The following ZNF831 variants were observed in gnomAD, a reference collection of about 807,000 sequenced individuals.
ZNF831 encodes chromosome 20 open reading frame 174.
ZNF831 carries 59 observed loss-of-function variants against 95.8 expected under a neutral mutation model. The ratio of observed to expected loss-of-function variants is 0.62; its 90% CI spans 0.50 to 0.77. The LOEUF (loss-of-function observed/expected upper bound fraction) is 0.77, where lower values mean the gene tolerates loss of function less well. ZNF831 is among the 30% of genes least tolerant of loss of function. The pLI, the probability that ZNF831 is intolerant of heterozygous loss-of-function variation, is 0.00. For synonymous variants in ZNF831, 961 were observed against 925.5 expected (o/e 1.04, Z -0.70); for missense variants, 2,205 against 2,164.0 (o/e 1.02, Z -0.38).
rs373045621 is a variant in ZNF831 at position 59,193,201 on chromosome 20, G to C, written c.2182G>C (p.Ala728Pro). ...GDSDRPRVEE[A>P]VSSPALGGRD... Reference sequence around the variant, plus strand: ...CAGTGACCGACCCAGGGTGGAAGAGGCTGTGTCATCCCCTGCACTGGGTGG... The same window carrying C: ...CAGTGACCGACCCAGGGTGGAAGAGCCTGTGTCATCCCCTGCACTGGGTGG... The change falls in exon 2 of 6, where the codon GCT becomes CCT. Residue 728 changes from alanine to proline, a missense_variant. Transcript: ENST00000371030. The C allele has an allele frequency of 6.3e-7, 1 of 1,583,064 alleles. No homozygotes were observed. The highest frequency in any genetic ancestry group is 1.4e-5 in the African/African-American group (1 of 74,062).
At chr20:59,203,764 T>G (rs939109454) in intron 3 of ZNF831, among the ~76,000 whole-genome samples, 1 of 152,172 alleles carries the variant, frequency 6.6e-6, no homozygotes, top group Non-Finnish European at 1.5e-5. Context: ...TTGTTTTCAT[T>G]AACAAAACTA....
intron 1 of ZNF831, among the ~76,000 whole-genome samples, chr20:59,127,008 C>T (rs1369896648): frequency 1.3e-5 from 2 of 152,174 alleles, no homozygotes; most frequent in Admixed American, 6.5e-5. Flanking sequence ...AACTGGTCCC[C>T]TCACTGCCCC....
chr20:59,254,340 C>T lies in ZNF831; in HGVS notation c.4631C>T (p.Pro1544Leu), dbSNP rs1478282483. The T allele has an allele frequency of 1.2e-6, 2 of 1,614,072 alleles. No individual in the cohort carries two copies. The highest frequency in any genetic ancestry group is 1.7e-6 in the Non-Finnish European group (2 of 1,180,002). Reference sequence around the variant, plus strand: ...GAGGGCAGAGCACAGACCCTCTTGCCAGGGAGACCTTCATCTGGACAAAGA... The same window carrying T: ...GAGGGCAGAGCACAGACCCTCTTGCTAGGGAGACCTTCATCTGGACAAAGA... ...TEEGRAQTLL[P>L]GRPSSGQRIS... is the part of the protein sequence containing the mutation. Residue 1544 changes from proline (P) to leucine (L), a missense_variant, in exon 6 of 6, where the codon CCA becomes CTA. Physicochemically the swap from Pro to Leu is moderately conservative, Grantham distance 98 (BLOSUM62 -3). Coordinates refer to ENST00000371030, the MANE Select transcript of ZNF831 (RefSeq NM_178457.3). This position sits in a 1 kb window ranked among gnomAD's most constrained non-coding sequence, Gnocchi z 4.5.
At chr20:59,150,421 A>G (rs974007657) in intron 2 of ZNF831, among the ~76,000 whole-genome samples, 1 of 152,250 alleles carries the variant, frequency 6.6e-6, no homozygotes, top group Non-Finnish European at 1.5e-5. Context: ...ATTTCAGGTG[A>G]ACAATGAATA....
At chr20:59,211,641 C>A (rs1367534843) in intron 4 of ZNF831, among the ~76,000 whole-genome samples, 5 of 152,222 alleles carry the variant, frequency 3.3e-5, no homozygotes, top group Admixed American at 6.5e-5. Context: ...TGTTTGAAGA[C>A]AAAGCACTGT....
At chr20:59,223,345 T>G (rs1410334588) in intron 4 of ZNF831, among the ~76,000 whole-genome samples, 1 of 152,200 alleles carries the variant, frequency 6.6e-6, no homozygotes, top group Non-Finnish European at 1.5e-5. Context: ...GCTTGCCAAG[T>G]GTGTGCGATG....
intron 1 of ZNF831, among the ~76,000 whole-genome samples, chr20:59,138,014 T>A (rs1979566086): frequency 6.6e-6 from 1 of 152,242 alleles, no homozygotes; most frequent in Non-Finnish European, 1.5e-5. Flanking sequence ...TAAATGTGTA[T>A]GAATTACTTG....
At chr20:59,150,824 T>A (rs1249625085) in intron 2 of ZNF831, among the ~76,000 whole-genome samples, 1 of 152,164 alleles carries the variant, frequency 6.6e-6, no homozygotes, top group African/African-American at 2.4e-5. Flanking sequence ...ACCCGAACGC[T>A]CAGTCAGCTC....
At chr20:59,244,786 G>A (rs896524293) in intron 4 of ZNF831, among the ~76,000 whole-genome samples, 1 of 152,110 alleles carries the variant, frequency 6.6e-6, no homozygotes, top group Non-Finnish European at 1.5e-5. Flanking sequence ...ACTCTAGGCC[G>A]ATACGTATAT....
chr20:59,140,529 G>A lies in ZNF831; in HGVS notation c.-1424-5702G>A, dbSNP rs1158293423. Among the ~76,000 whole-genome samples the A allele has an allele frequency of 5.3e-5, 8 of 152,082 alleles. No homozygotes were observed. In the East Asian group the frequency reaches 5.8e-4, roughly 11 times the overall value. ...TCATTTCTGAAGTCTTTTATTTTTCGATAATTATAGATCCACAGGAAGTTG... is the reference window on the plus strand; with the variant it reads ...TCATTTCTGAAGTCTTTTATTTTTCAATAATTATAGATCCACAGGAAGTTG... On this transcript the variant is annotated intron_variant, in intron 1 of 7. Transcript: ENST00000637017.
chr20:59,200,568 T>G (rs1247640571), intron 3 of ZNF831, among the ~76,000 whole-genome samples: 1 of 152,170 alleles, frequency 6.6e-6, no homozygotes. Context: ...ATAACCAGGA[T>G]CATGAACATA....
intron 4 of ZNF831, among the ~76,000 whole-genome samples, chr20:59,245,405 C>T (rs985076975): frequency 6.6e-6 from 1 of 152,208 alleles, no homozygotes; most frequent in Non-Finnish European, 1.5e-5. Context: ...TTGGCCATCC[C>T]CAGGCAGGCA....
chr20:59,191,862 C>T lies in ZNF831; in HGVS notation c.843C>T (p.Asp281=), dbSNP rs2146555236. 6.2e-7 allele frequency: 1 copy of T among 1,613,246 alleles called. No homozygotes were observed. ...TTGCCGACAGAGAGGCTCCTTGGGA[C>T]TCTGCCCCCATGGCGTCACCTGGGC... ...SAFADREAPW[D]SAPMASPGLP... is the part of the protein sequence containing the mutation. The change falls in exon 2 of 6, where the codon GAC becomes GAT. Residue 281 remains aspartate, a synonymous_variant. Coordinates refer to ENST00000371030, the MANE Select transcript of ZNF831 (RefSeq NM_178457.3).
At position 59,257,540 on chromosome 20, in the gene ZNF831, A is replaced by G. The variant is rs930571880; in HGVS notation, c.*2797A>G. ...ATTTTAAGGGTAACATTAACAACCT[A>G]GAACCCAGTTTGGGTTACTAAAAAT... On this transcript the variant is annotated 3_prime_UTR_variant, in exon 6 of 6. Coordinates refer to ENST00000371030, the MANE Select transcript of ZNF831 (RefSeq NM_178457.3). The G allele has an allele frequency of 6.6e-6, 1 of 152,254 alleles. No individual in the cohort carries two copies. Among genetic ancestry groups the G allele is most frequent in the Non-Finnish European group, 1.5e-5 (1 of 68,050 alleles). 9.4% of individuals were successfully genotyped at this position (152,254 alleles called of 1,614,324 possible).
rs541560487 is a variant in ZNF831 at position 59,214,137 on chromosome 20, C to G, written c.4027+7081C>G. ...GAAGGAAAGAAAAAAGGCCATCCAT[C>G]CATGCAGGCAGCTTTGAAGATAAAC... On this transcript the variant is annotated intron_variant, in intron 4 of 5. Transcript: ENST00000371030. Among the ~76,000 whole-genome samples, 8 of 152,338 alleles carry G rather than the reference C, an allele frequency of 5.3e-5. No homozygotes were observed. In the South Asian group the frequency reaches 1.7e-3, roughly 32 times the overall value.
intron 1 of ZNF831, among the ~76,000 whole-genome samples, chr20:59,140,313 T>C (rs1446809901): frequency 6.6e-6 from 1 of 152,192 alleles, no homozygotes; most frequent in Non-Finnish European, 1.5e-5. Flanking sequence ...TTTGACCAGA[T>C]ACCTGGACTG....
intron 4 of ZNF831, among the ~76,000 whole-genome samples, chr20:59,234,424 G>A (rs1030268518): frequency 5.3e-5 from 8 of 152,176 alleles, no homozygotes; most frequent in Non-Finnish European, 8.8e-5. Flanking sequence ...GGCTCTGCCC[G>A]TTAGATAGTT....
intron 1 of ZNF831, among the ~76,000 whole-genome samples, chr20:59,127,143 C>G (rs528652947): frequency 6.6e-6 from 1 of 152,342 alleles, no homozygotes; most frequent in Admixed American, 6.5e-5. Flanking sequence ...GATCCTTTCT[C>G]TGTCTCACAC....
rs1190327827 is a variant in ZNF831 at position 59,206,914 on chromosome 20, G to A, written c.3885G>A (p.Gly1295=). 2 of 1,613,898 alleles carry A rather than the reference G, an allele frequency of 1.2e-6. No homozygotes were observed. Among genetic ancestry groups the A allele is most frequent in the Non-Finnish European group, 1.7e-6 (2 of 1,179,948 alleles). The part of the protein sequence containing the change: ...KLKINPKRYK[G]NFLQSCVQLR... The stretch of plus-strand genomic sequence containing the variant: ...CTTCTCTCTTCTACAGGTACAAAGG[G>A]AATTTCTTGCAGAGCTGTGTTCAGC... Residue 1295 remains glycine (G), a synonymous_variant, in exon 4 of 6, where the codon GGG becomes GGA. Coordinates refer to ENST00000371030, the MANE Select transcript of ZNF831 (RefSeq NM_178457.3).
Sources: gnomAD v4.1 joint callset for allele counts (sites outside exome capture counted in the v4.1 genomes callset) on GRCh38, gnomAD v4.1.1 for gene constraint, Gnocchi (gnomAD v3.1) non-coding constraint, MANE v1.5 for transcripts, NCBI Gene and HGNC (gene_info 2026-07-23, HGNC 2026-07-21) for gene names.